The following NGLY1 variants were observed in gnomAD, a reference collection of about 807,000 sequenced individuals.
NGLY1 encodes the protein peptide-N(4)-(N-acetyl-beta-glucosaminyl)asparagine amidase.
NGLY1 carries 68 observed loss-of-function variants against 84.6 expected under a neutral mutation model. The ratio of observed to expected loss-of-function variants is 0.80; its 90% confidence interval spans 0.66 to 0.98. The LOEUF (loss-of-function observed/expected upper bound fraction) is 0.98. NGLY1 is among the 50% of genes least tolerant of loss of function. The pLI is 0.00. For synonymous variants in NGLY1, 280 were observed against 275.2 expected (o/e 1.02, Z -0.17); for missense variants, 779 against 770.2 (o/e 1.01, Z -0.14).
Position 25,719,635 on chromosome 3 carries a change from T to A in NGLY1, c.1790A>T (p.Asp597Val), listed in dbSNP as rs1353013215. 1 of 1,608,998 alleles carries A rather than the reference T, an allele frequency of 6.2e-7. No individual in the cohort carries two copies. The highest frequency in any genetic ancestry group is 8.5e-7 in the Non-Finnish European group (1 of 1,177,524). The change falls in exon 12 of 12, where the codon GAT becomes GTT. Residue 597 changes from aspartate (D) to valine (V), a missense_variant and splice_region_variant. Physicochemically the swap from Asp to Val is radical, Grantham distance 152 (BLOSUM62 -3). Coordinates refer to ENST00000280700, the MANE Select transcript of NGLY1 (RefSeq NM_018297.4). ...ATCAGCATAGGAGTGAAGACTGTTATCTGTTAGAGGGAAAAAAAAAATTAA... is the reference window on the plus strand; with the variant it reads ...ATCAGCATAGGAGTGAAGACTGTTAACTGTTAGAGGGAAAAAAAAAATTAA... ...SDTAQVELTG[D>V]NSLHSYADFS...
Position 25,769,875 on chromosome 3 carries a change from C to G in NGLY1, c.247-5564G>C, listed in dbSNP as rs536453505. Among the ~76,000 whole-genome samples, 6 of 151,940 alleles carry G rather than the reference C, an allele frequency of 3.9e-5. No homozygotes were observed. The South Asian group carries it at 1.2e-3, about 32-fold the overall frequency. On this transcript the variant is annotated intron_variant, in intron 2 of 11. Coordinates refer to ENST00000280700, the MANE Select transcript of NGLY1 (RefSeq NM_018297.4). Reference sequence around the variant, plus strand: ...TGGATAAGTTCTTTAGTGGTAATTTCTGAGGTTTTGAAGCACTTATCACTC... The same window carrying G: ...TGGATAAGTTCTTTAGTGGTAATTTGTGAGGTTTTGAAGCACTTATCACTC...
At chr3:25,771,392 G>A (rs1707883442) in intron 2 of NGLY1, among the ~76,000 whole-genome samples, 1 of 152,050 alleles carries the variant, frequency 6.6e-6, no homozygotes, top group African/African-American at 2.4e-5. Flanking sequence ...CTATTCTATT[G>A]GTTTATGTGC....
chr3:25,772,342 A>G (rs1194158703), intron 2 of NGLY1, among the ~76,000 whole-genome samples: 1 of 152,150 alleles, frequency 6.6e-6, no homozygotes, highest in Non-Finnish European at 1.5e-5. Flanking sequence ...TTAGGTGCAT[A>G]CATATTTAGG....
chr3:25,775,702 G>C (rs1243958479), intron 2 of NGLY1, among the ~76,000 whole-genome samples: 1 of 152,194 alleles, frequency 6.6e-6, no homozygotes, highest in African/African-American at 2.4e-5. Context: ...AGGGATAGAA[G>C]GGACTGGGCA....
chr3:25,748,495 C>T (rs568988120), intron 4 of NGLY1, among the ~76,000 whole-genome samples: 3 of 152,292 alleles, frequency 2.0e-5, no homozygotes, highest in Middle Eastern at 3.4e-3. Flanking sequence ...ACATGAAAGG[C>T]CTGTTTACCT....
rs966238008 is a variant in NGLY1, at chr3:25,780,334, A to C, written c.132-1646T>G. On this transcript the variant is annotated intron_variant, in intron 1 of 11. Transcript: ENST00000280700. ...GTGAGCCTCTCTTTCTTATCACTTAAGAAAACTGAACTATAAAATAATCCT... is the reference window on the plus strand; with the variant it reads ...GTGAGCCTCTCTTTCTTATCACTTACGAAAACTGAACTATAAAATAATCCT... 3.3e-5 allele frequency among the ~76,000 whole-genome samples: 5 copies of C among 152,194 alleles called. No homozygotes were observed. In the East Asian group the frequency reaches 9.6e-4, roughly 29 times the overall value.
rs750077439 is a variant in NGLY1 at position 25,751,175 on chromosome 3, G to C, written c.581C>G (p.Ala194Gly). ...TTCTTGGACCGGAATACAAGCCAAC[G>C]CTTTCTCCTGAAGAGCAGGATTTTC... ...VYENPALQEK[A>G]LACIPVQELK... The change falls in exon 4 of 12, where the codon GCG (alanine) becomes GGG (glycine). Residue 194 changes from alanine (A) to glycine (G), a missense_variant. By Grantham distance (60) the Ala-to-Gly change is moderately conservative. Coordinates refer to ENST00000280700, the MANE Select transcript of NGLY1 (RefSeq NM_018297.4). 2 of 1,613,484 alleles carry C rather than the reference G, an allele frequency of 1.2e-6. No individual in the cohort carries two copies. The highest frequency in any genetic ancestry group is 1.7e-6 in the Non-Finnish European group (2 of 1,179,776).
chr3:25,773,385 G>T (rs1242228195), intron 2 of NGLY1, among the ~76,000 whole-genome samples: 1 of 152,108 alleles, frequency 6.6e-6, no homozygotes, highest in Non-Finnish European at 1.5e-5. Flanking sequence ...TTTGAGCTCT[G>T]AAGTTCTCTT....
At chr3:25,777,906 T>C (rs1708231349) in intron 2 of NGLY1, 1 of 152,240 alleles carries the variant, frequency 6.6e-6, no homozygotes, top group Non-Finnish European at 1.5e-5. Context: ...CATATCTCTT[T>C]AACAACTTCT....
chr3:25,737,839 C>T (rs959041085), intron 5 of NGLY1, among the ~76,000 whole-genome samples: 25 of 152,192 alleles, frequency 1.6e-4, no homozygotes, highest in Admixed American at 1.6e-3. Flanking sequence ...CCACTGCGCC[C>T]GGCCTTTAAT....
chr3:25,783,451 C>T (rs1708520346), upstream of NGLY1: 1 of 1,411,574 alleles, frequency 7.1e-7, no homozygotes, highest in South Asian at 1.5e-5. The surrounding 1 kb of genome is among the most constrained non-coding windows in gnomAD (Gnocchi z 4.5). Flanking sequence ...ACTGAGCAGG[C>T]GCCTCAGCGC....
intron 10 of NGLY1, among the ~76,000 whole-genome samples, chr3:25,720,470 ATCT>A (rs904960488): frequency 6.6e-6 from 1 of 152,196 alleles, no homozygotes; most frequent in Non-Finnish European, 1.5e-5. Context: ...TTGGTAAATC[ATCT>A]TCTTTTATAT....
chr3:25,741,353 G>A (rs980873027), intron 4 of NGLY1, among the ~76,000 whole-genome samples: 4 of 151,928 alleles, frequency 2.6e-5, no homozygotes, highest in African/African-American at 4.8e-5. Flanking sequence ...AGATTTCTAA[G>A]CAAATGCACA....
intron 10 of NGLY1, among the ~76,000 whole-genome samples, chr3:25,725,784 C>A (rs1390391573): frequency 6.6e-6 from 1 of 151,828 alleles, no homozygotes; most frequent in Non-Finnish European, 1.5e-5. Context: ...CAAAACAAAA[C>A]AAAATACTTG....
At chr3:25,720,239 A>G in intron 10 of NGLY1, 48 bp from the exon 11 acceptor site, 1 of 1,482,374 alleles carries the variant, frequency 6.7e-7, no homozygotes, top group Non-Finnish European at 9.3e-7. Flanking sequence ...AAAAAATGAA[A>G]TAGTATAGAA....
intron 10 of NGLY1, among the ~76,000 whole-genome samples, chr3:25,724,538 A>G (rs973223178): frequency 6.6e-6 from 1 of 152,076 alleles, no homozygotes; most frequent in South Asian, 2.1e-4. Flanking sequence ...TATACTTCCA[A>G]TTTACTCCAT....
Position 25,779,230 on chromosome 3 carries a change from A to C in NGLY1, c.132-542T>G, listed in dbSNP as rs185063808. 1.8e-3 allele frequency among the ~76,000 whole-genome samples: 270 copies of C among 152,182 alleles called. 2 individuals carry two copies. Among genetic ancestry groups the C allele is most frequent in the African/African-American group, 6.3e-3 (261 of 41,550 alleles). ...GGGGATTACAGGCGTGAGCCACCGC[A>C]CCTGGCCCAAGACATATTCTTGACA... On this transcript the variant is annotated intron_variant, in intron 1 of 11. Coordinates refer to ENST00000280700, the MANE Select transcript of NGLY1 (RefSeq NM_018297.4).
intron 10 of NGLY1, among the ~76,000 whole-genome samples, chr3:25,723,887 T>C (rs1705129911): frequency 6.6e-6 from 1 of 152,196 alleles, no homozygotes; most frequent in South Asian, 2.1e-4. Context: ...TTCTCCTGTA[T>C]TCTATATATA....
intron 7 of NGLY1, chr3:25,735,700 G>A (rs1575618036): frequency 5.0e-6 from 1 of 200,982 alleles, no homozygotes. Flanking sequence ...AAAGAGAAAA[G>A]GCAGCATATG....
Sources: allele counts gnomAD v4.1 joint callset (sites outside exome capture counted in the v4.1 genomes callset), GRCh38; gene constraint gnomAD v4.1.1; non-coding constraint Gnocchi (gnomAD v3.1); transcripts MANE v1.5; gene names NCBI Gene and HGNC (gene_info 2026-07-23, HGNC 2026-07-21).